Variants in SIMC1 observed in about 807,000 individuals in gnomAD.
SIMC1 encodes SUMO-interacting motif-containing protein 1.
In SIMC1, 55 loss-of-function variants were observed where a neutral mutation model predicts 82.3. The ratio of observed to expected loss-of-function variants is 0.67; its 90% confidence interval spans 0.54 to 0.84. SIMC1 has a LOEUF of 0.84. Ranked by LOEUF, SIMC1 falls within the 40% of genes least tolerant of loss-of-function variation. The pLI, the probability that SIMC1 is intolerant of heterozygous loss-of-function variation, is 0.00. For synonymous variants in SIMC1, 353 were observed against 426.3 expected (o/e 0.83, Z 2.12); for missense variants, 915 against 1,107.2 (o/e 0.83, Z 2.46).
At chr5:176,331,483 T>G (rs1765667815) in intron 7 of SIMC1, among the ~76,000 whole-genome samples, 1 of 151,234 alleles carries the variant, frequency 6.6e-6, no homozygotes, top group Non-Finnish European at 1.5e-5. Context: ...CCCTGCTAAT[T>G]TTTATATTTT....
At chr5:176,274,514 A>T (rs1178063683) in intron 1 of SIMC1, among the ~76,000 whole-genome samples, 5 of 151,506 alleles carry the variant, frequency 3.3e-5, no homozygotes, top group Admixed American at 2.0e-4. Context: ...GTTTAATTAG[A>T]TCCCATTTGT....
intron 4 of SIMC1, among the ~76,000 whole-genome samples, chr5:176,311,798 CTA>C (rs1447548190): frequency 1.3e-5 from 2 of 152,182 alleles, no homozygotes; most frequent in African/African-American, 4.8e-5. Flanking sequence ...ACTGTAAACA[CTA>C]TGTAGTTATA....
In SIMC1 at chr5:176,253,003, G is replaced by GGC. The variant is rs571372105; in HGVS notation, c.129+14375_129+14376dup. 2.9e-3 allele frequency among the ~76,000 whole-genome samples: 435 copies of GGC among 152,298 alleles called. 1 individual carries two copies. Among genetic ancestry groups the GGC allele is most frequent in the Middle Eastern group, 0.01 (3 of 294 alleles). On this transcript the variant is annotated intron_variant, in intron 1 of 9. Coordinates refer to ENST00000429602, the MANE Select transcript of SIMC1 (RefSeq NM_001308195.2). Reference sequence around the variant, plus strand: ...AAAAATACGAAAACCAGTCAGGCGTGGCGCGCGCGCCTGCAATCGCAGGCA... The same window carrying GGC: ...AAAAATACGAAAACCAGTCAGGCGTGGCGCGCGCGCGCCTGCAATCGCAGGCA...
chr5:176,291,880 C>T (rs1441193378), intron 2 of SIMC1, among the ~76,000 whole-genome samples: 1 of 152,154 alleles, frequency 6.6e-6, no homozygotes, highest in Non-Finnish European at 1.5e-5. Flanking sequence ...TCAGGCTCAT[C>T]GTAGGCCTTA....
intron 9 of SIMC1, among the ~76,000 whole-genome samples, chr5:176,339,865 C>T (rs1036855799): frequency 3.3e-5 from 5 of 152,108 alleles, no homozygotes; most frequent in African/African-American, 9.7e-5. Flanking sequence ...AGAACACAGC[C>T]GAATGGTACC....
chr5:176,315,991 A>G (rs994665708), intron 5 of SIMC1, among the ~76,000 whole-genome samples: 1 of 152,000 alleles, frequency 6.6e-6, no homozygotes, highest in Non-Finnish European at 1.5e-5. Flanking sequence ...CCTGGCCAAC[A>G]CGGTGAAACC....
At chr5:176,316,008 C>G (rs1581303546) in intron 5 of SIMC1, among the ~76,000 whole-genome samples, 1 of 151,794 alleles carries the variant, frequency 6.6e-6, no homozygotes, top group African/African-American at 2.4e-5. Context: ...AACCCTATCT[C>G]TACTAAAAAT....
At chr5:176,313,487 A>G in intron 4 of SIMC1, 8 of 1,552,520 alleles carry the variant, frequency 5.2e-6, no homozygotes, top group Non-Finnish European at 7.0e-6. Flanking sequence ...CTTATAAGGT[A>G]TGATTTTTTT....
chr5:176,274,473 G>A (rs1762591486), intron 1 of SIMC1, among the ~76,000 whole-genome samples: 1 of 151,724 alleles, frequency 6.6e-6, no homozygotes, highest in Non-Finnish European at 1.5e-5. Context: ...CACTCTGATG[G>A]TAGTTTCTTT....
chr5:176,342,976 GT>G (rs1766217736), intron 9 of SIMC1, among the ~76,000 whole-genome samples: 1 of 152,182 alleles, frequency 6.6e-6, no homozygotes, highest in Non-Finnish European at 1.5e-5. Context: ...CTCAGTAAAT[GT>G]GTGCTGTTTG....
At chr5:176,338,923 G>A (rs561358246) in intron 9 of SIMC1, among the ~76,000 whole-genome samples, 1 of 152,296 alleles carries the variant, frequency 6.6e-6, no homozygotes, top group African/African-American at 2.4e-5. Flanking sequence ...ATAGAATGGG[G>A]ATGATAGTAT....
In SIMC1 at chr5:176,238,595, G is replaced by C. The variant is rs1331004048; in HGVS notation, c.87G>C (p.Arg29=). The part of the protein sequence containing the change: ...ARPGRSRRPR[R]ALSRTSGALP... ...CGGGCCGGTCGCGGAGGCCGCGCCG[G>C]GCCCTGTCGCGAACCTCCGGCGCGC... Residue 29 remains arginine (R), a synonymous_variant, in exon 1 of 10, where the codon CGG becomes CGC. Transcript: ENST00000429602. The C allele has an allele frequency of 1.1e-5, 14 of 1,264,226 alleles. No individual in the cohort carries two copies. In the African/African-American group the frequency reaches 1.7e-4, roughly 16 times the overall value. The allele number at this position is 1,264,226 out of a possible 1,614,324, so 78.3% of individuals were successfully genotyped here.
chr5:176,269,568 G>T (rs1307666788), intron 1 of SIMC1, among the ~76,000 whole-genome samples: 4 of 152,172 alleles, frequency 2.6e-5, no homozygotes, highest in African/African-American at 9.7e-5. Context: ...GTGCAAAGAG[G>T]TTCACTGGTG....
chr5:176,313,807 C>T lies in SIMC1; in HGVS notation c.1851C>T (p.Asn617=). ...QRQHLQQSIA[N]MVLSCDKQPH... ...AGCACCTGCAGCAATCCATTGCAAA[C>T]ATGGTGCTTTCCTGTGACAAGCAGC... The change falls in exon 5 of 10, where the codon AAC becomes AAT. Residue 617 remains asparagine, a synonymous_variant. Transcript: ENST00000429602. 3 of 1,613,888 alleles carry T rather than the reference C, an allele frequency of 1.9e-6. No individual in the cohort carries two copies. Among genetic ancestry groups the T allele is most frequent in the Non-Finnish European group, 2.5e-6 (3 of 1,179,884 alleles).
intron 5 of SIMC1, among the ~76,000 whole-genome samples, chr5:176,320,868 T>C (rs1765129241): frequency 6.6e-6 from 1 of 152,220 alleles, no homozygotes; most frequent in Non-Finnish European, 1.5e-5. Context: ...ATTCATAGGC[T>C]TGGATTAAAC....
intron 1 of SIMC1, among the ~76,000 whole-genome samples, chr5:176,243,261 T>G (rs1478155573): frequency 6.6e-6 from 1 of 152,086 alleles, no homozygotes; most frequent in Non-Finnish European, 1.5e-5. Flanking sequence ...AAATTAGTTA[T>G]AAGATCTAGA....
chr5:176,324,715 T>A lies in SIMC1; in HGVS notation c.2129T>A (p.Met710Lys), dbSNP rs771885826. ...PTCSSNKIAE[M>K]MFGFVLDIPE... is the part of the protein sequence containing the mutation. ...TGCAGCTCCAATAAAATTGCCGAGA[T>A]GATGTTTGGGTTTGTGCTGGACATT... The change falls in exon 7 of 10, where the codon ATG (methionine) becomes AAG (lysine). Residue 710 changes from methionine (M) to lysine (K), a missense_variant. By Grantham distance (95) the Met-to-Lys change is moderately conservative. This residue lies in a region of SIMC1 where 902 missense variants were observed against 1,040.3 expected (regional missense o/e 0.87). Transcript: ENST00000429602. 1 of 1,602,988 alleles carries A rather than the reference T, an allele frequency of 6.2e-7. No individual in the cohort carries two copies. The highest frequency in any genetic ancestry group is 8.5e-7 in the Non-Finnish European group (1 of 1,174,658).
intron 1 of SIMC1, among the ~76,000 whole-genome samples, chr5:176,251,341 A>G (rs1206893093): frequency 6.6e-6 from 1 of 152,200 alleles, no homozygotes; most frequent in Non-Finnish European, 1.5e-5. Flanking sequence ...GCCTGGCGAC[A>G]GAGCAAGCGA....
chr5:176,265,159 A>T (rs1762152757), intron 1 of SIMC1, among the ~76,000 whole-genome samples: 4 of 152,280 alleles, frequency 2.6e-5, no homozygotes, highest in Admixed American at 2.0e-4. Flanking sequence ...CCCTCCTAGG[A>T]CCTAATTGAG....
Sources: allele counts gnomAD v4.1 joint callset (sites outside exome capture counted in the v4.1 genomes callset), GRCh38; gene constraint gnomAD v4.1.1; regional missense constraint gnomAD v4.1.1; transcripts MANE v1.5; gene names NCBI Gene and HGNC (gene_info 2026-07-23, HGNC 2026-07-21).